The following SHANK2 variants were observed in gnomAD, a reference collection of about 807,000 sequenced individuals.
SHANK2 encodes SH3 and multiple ankyrin repeat domains 2.
In SHANK2, 43 loss-of-function variants were observed where a neutral mutation model predicts 133.7. The ratio of observed to expected loss-of-function variants is 0.32; its 90% CI spans 0.25 to 0.41. The LOEUF is 0.41. Among genes scored for constraint, SHANK2 ranks in the 10% least tolerant of loss-of-function variants. SHANK2 has a pLI of 1.00. For synonymous variants in SHANK2, 1,017 were observed against 952.8 expected (o/e 1.07, Z -1.24); for missense variants, 1,994 against 2,235.8 (o/e 0.89, Z 2.18).
chr11:70,844,209 C>T (rs1379533936), intron 11 of SHANK2, among the ~76,000 whole-genome samples: 1 of 152,198 alleles, frequency 6.6e-6, no homozygotes, highest in African/African-American at 2.4e-5. Flanking sequence ...AACATTAGTT[C>T]AACTCATTAA....
At chr11:70,531,990 T>A (rs1267579271) in intron 17 of SHANK2, among the ~76,000 whole-genome samples, 5 of 152,178 alleles carry the variant, frequency 3.3e-5, no homozygotes, top group African/African-American at 1.2e-4. Context: ...TATATGCCCC[T>A]CTCTAGGACA....
intron 17 of SHANK2, among the ~76,000 whole-genome samples, chr11:70,552,227 C>G (rs1893121): frequency 0.43 from 65,334 of 151,972 alleles, 15,104 homozygotes; most frequent in Admixed American, 0.55. Context: ...GCCAGGCTGC[C>G]TGCGAACAAA....
intron 11 of SHANK2, among the ~76,000 whole-genome samples, chr11:70,890,924 A>G (rs1301768427): frequency 6.6e-6 from 1 of 151,724 alleles, no homozygotes; most frequent in Non-Finnish European, 1.5e-5. Flanking sequence ...AGATCGTGCC[A>G]CTGCACTCCA....
At chr11:70,589,728 T>C (rs564444993) in intron 17 of SHANK2, among the ~76,000 whole-genome samples, 46 of 152,288 alleles carry the variant, frequency 3.0e-4, no homozygotes, top group African/African-American at 1.1e-3. Context: ...TTGTGATTCA[T>C]GGGAGGAGGC....
At chr11:70,755,340 G>A (rs1025220554) in intron 14 of SHANK2, among the ~76,000 whole-genome samples, 1 of 152,266 alleles carries the variant, frequency 6.6e-6, no homozygotes, top group African/African-American at 2.4e-5. Context: ...CCAAAGCGCT[G>A]GGATTACAGG....
At chr11:70,615,502 C>G (rs2060726837) in intron 17 of SHANK2, among the ~76,000 whole-genome samples, 1 of 152,142 alleles carries the variant, frequency 6.6e-6, no homozygotes, top group South Asian at 2.1e-4. Flanking sequence ...GGGTATAAAA[C>G]CCAGGAGGAG....
intron 14 of SHANK2, among the ~76,000 whole-genome samples, chr11:70,719,107 A>G (rs1555028297): frequency 6.6e-6 from 1 of 152,232 alleles, no homozygotes; most frequent in African/African-American, 2.4e-5. Flanking sequence ...GTCAGGTGCC[A>G]TCACCTGCAA....
At chr11:70,806,864 T>C (rs1191383211) in intron 13 of SHANK2, 138 bp downstream of exon 13, 2 of 598,186 alleles carry the variant, frequency 3.3e-6, no homozygotes, top group Non-Finnish European at 6.0e-6. Context: ...CGTCACTCTG[T>C]TCCCCATTCC....
intron 11 of SHANK2, among the ~76,000 whole-genome samples, chr11:70,870,931 C>T (rs1555070061): frequency 6.6e-6 from 1 of 152,208 alleles, no homozygotes; most frequent in Non-Finnish European, 1.5e-5. Context: ...GCACCCGCCA[C>T]CACGCCCGGC....
chr11:70,781,181 T>C (rs1398839163), intron 14 of SHANK2, among the ~76,000 whole-genome samples: 1 of 151,292 alleles, frequency 6.6e-6, no homozygotes, highest in African/African-American at 2.4e-5. Context: ...CCCGGACCGG[T>C]TGCATGTAAG....
intron 12 of SHANK2, among the ~76,000 whole-genome samples, chr11:70,817,738 C>A (rs1555054723): frequency 6.6e-6 from 1 of 152,164 alleles, no homozygotes; most frequent in Admixed American, 6.5e-5. Flanking sequence ...GTTGGTCTTT[C>A]TGGGACCCTT....
chr11:70,490,438 C>A, intron 22 of SHANK2, 51 bp from the exon 23 acceptor site: 1 of 1,494,714 alleles, frequency 6.7e-7, no homozygotes, highest in Non-Finnish European at 9.3e-7. Flanking sequence ...AGCCCCCACC[C>A]ACGGTCACAG....
chr11:70,885,950 A>C (rs1211582735), intron 11 of SHANK2, among the ~76,000 whole-genome samples: 1 of 152,204 alleles, frequency 6.6e-6, no homozygotes, highest in Non-Finnish European at 1.5e-5. Flanking sequence ...GCACGGGAGA[A>C]AGTAGGACCA....
intron 14 of SHANK2, among the ~76,000 whole-genome samples, chr11:70,744,905 G>C (rs961664828): frequency 2.0e-5 from 3 of 152,278 alleles, no homozygotes; most frequent in African/African-American, 7.2e-5. Flanking sequence ...TTGAGTCCAG[G>C]TAGCCACTTC....
chr11:71,147,531 C>A (rs1295678355), intron 2 of SHANK2, among the ~76,000 whole-genome samples, 193 bp from the exon 3 acceptor site: 1 of 152,214 alleles, frequency 6.6e-6, no homozygotes, highest in Non-Finnish European at 1.5e-5. Flanking sequence ...CAAGTCGGCA[C>A]CGCCTGCTCC....
chr11:70,608,535 T>C (rs538369158), intron 17 of SHANK2, among the ~76,000 whole-genome samples: 2 of 152,256 alleles, frequency 1.3e-5, no homozygotes, highest in African/African-American at 2.4e-5. Context: ...ATCTGTAAAA[T>C]GGGGTCATGT....
intron 17 of SHANK2, among the ~76,000 whole-genome samples, chr11:70,504,261 C>G (rs1935106953): frequency 7.6e-6 from 1 of 131,446 alleles, no homozygotes; most frequent in African/African-American, 2.5e-5. Context: ...CTGTGTGCTG[C>G]TTGGTGGATT....
chr11:71,062,774 T>C (rs962033705), intron 9 of SHANK2, among the ~76,000 whole-genome samples: 4 of 151,916 alleles, frequency 2.6e-5, no homozygotes, highest in East Asian at 3.9e-4. Flanking sequence ...GGTGGGAGGA[T>C]TGCTTGAGTC....
chr11:70,495,453 TG>T (rs1555156885), intron 21 of SHANK2, among the ~76,000 whole-genome samples: 1 of 152,230 alleles, frequency 6.6e-6, no homozygotes, highest in African/African-American at 2.4e-5. Flanking sequence ...AACTCCAGCT[TG>T]GTCTATCCCT....
Sources: allele counts gnomAD v4.1 joint callset (sites outside exome capture counted in the v4.1 genomes callset), GRCh38; gene constraint gnomAD v4.1.1; transcripts MANE v1.5; gene names NCBI Gene and HGNC (gene_info 2026-07-23, HGNC 2026-07-21).